Variants in PIP5K1B observed in about 807,000 individuals in gnomAD.
PIP5K1B encodes phosphatidylinositol-4-phosphate 5-kinase type 1 beta.
In PIP5K1B, 42 loss-of-function variants were observed where a neutral mutation model predicts 67.0. The observed-to-expected ratio is 0.63, with a 90% CI of 0.49 to 0.81. The LOEUF (loss-of-function observed/expected upper bound fraction) is 0.81. Among genes scored for constraint, PIP5K1B ranks in the 30% least tolerant of loss-of-function variants. PIP5K1B has a pLI of 0.00. For missense variants in PIP5K1B, 459 were observed against 646.3 expected, an observed-to-expected ratio of 0.71 and a Z score of 3.14; for synonymous variants, 214 against 231.4, an observed-to-expected ratio of 0.92 and a Z score of 0.68.
chr9:68,840,878 A>C (rs1328006848), intron 4 of PIP5K1B, among the ~76,000 whole-genome samples: 1 of 152,154 alleles, frequency 6.6e-6, no homozygotes, highest in African/African-American at 2.4e-5. Flanking sequence ...AGAGGTTAGG[A>C]TGTGGACATC....
At chr9:68,857,048 G>A (rs2132232752) in intron 4 of PIP5K1B, among the ~76,000 whole-genome samples, 1 of 152,314 alleles carries the variant, frequency 6.6e-6, no homozygotes, top group African/African-American at 2.4e-5. Flanking sequence ...GCAGAGGTCA[G>A]AGGGAGACAG....
chr9:68,899,028 C>A (rs1825231247), intron 8 of PIP5K1B, among the ~76,000 whole-genome samples: 1 of 152,222 alleles, frequency 6.6e-6, no homozygotes, highest in African/African-American at 2.4e-5. Context: ...TGATCTGGTC[C>A]CTGCTACATT....
intron 14 of PIP5K1B, among the ~76,000 whole-genome samples, chr9:68,977,749 G>A (rs572277421): frequency 4.7e-4 from 71 of 150,680 alleles, no homozygotes; most frequent in African/African-American, 1.7e-3. Flanking sequence ...CTGCCTCCCA[G>A]GTTGAAGCGA....
At chr9:68,722,653 CATGT>C (rs1210908910) in intron 1 of PIP5K1B, among the ~76,000 whole-genome samples, 16 of 148,824 alleles carry the variant, frequency 1.1e-4, no homozygotes, top group Non-Finnish European at 1.8e-4. Flanking sequence ...TATTTATTAC[CATGT>C]ATGTATTTAT....
intron 4 of PIP5K1B, among the ~76,000 whole-genome samples, chr9:68,862,219 T>A (rs1271803438): frequency 6.6e-6 from 1 of 152,184 alleles, no homozygotes; most frequent in East Asian, 1.9e-4. Flanking sequence ...TGACACTGCC[T>A]TGGGAAATGA....
intron 1 of PIP5K1B, among the ~76,000 whole-genome samples, chr9:68,719,889 CT>C (rs1168015526): frequency 6.6e-6 from 1 of 152,208 alleles, no homozygotes; most frequent in African/African-American, 2.4e-5. Flanking sequence ...TGTCAAAAGA[CT>C]TCTGGAAGCA....
intron 14 of PIP5K1B, among the ~76,000 whole-genome samples, chr9:68,943,714 A>G (rs531475557): frequency 7.9e-5 from 12 of 152,318 alleles, no homozygotes; most frequent in African/African-American, 2.6e-4. Context: ...TATAATTTAC[A>G]TGTGAGATTT....
chr9:68,809,386 T>C (rs950839575), intron 2 of PIP5K1B, among the ~76,000 whole-genome samples: 3 of 152,160 alleles, frequency 2.0e-5, no homozygotes, highest in African/African-American at 7.2e-5. Flanking sequence ...CTTCCTATCT[T>C]CCCAGCAAAA....
rs544345556 is a variant in PIP5K1B at position 68,893,483 on chromosome 9, G to A, written c.472-856G>A. On this transcript the variant is annotated intron_variant, in intron 7 of 15. Coordinates refer to ENST00000265382, the MANE Select transcript of PIP5K1B (RefSeq NM_003558.4). ...CGAGTAGCTGGGATTACAGGCATGC[G>A]CCACCAGGCCAGGCTAATTTTTTAA... Among the ~76,000 whole-genome samples the A allele has an allele frequency of 4.8e-4, 73 of 151,902 alleles. 2 individuals carry two copies. In the South Asian group the frequency reaches 7.9e-3, roughly 16 times the overall value.
intron 4 of PIP5K1B, chr9:68,824,144 ACATT>A (rs764204130): frequency 3.9e-6 from 2 of 518,904 alleles, no homozygotes; most frequent in Admixed American, 3.9e-5. Context: ...GATTCCGTGT[ACATT>A]CATTCAAGCA....
At chr9:68,792,090 G>A (rs893126607) in intron 2 of PIP5K1B, among the ~76,000 whole-genome samples, 1 of 152,232 alleles carries the variant, frequency 6.6e-6, no homozygotes, top group Non-Finnish European at 1.5e-5. Context: ...ACCACGGTCA[G>A]TTAGGTGCTT....
Position 68,952,673 on chromosome 9 carries a change from AT to A in PIP5K1B, c.1502+11893del, listed in dbSNP as rs568781462. On this transcript the variant is annotated intron_variant, in intron 14 of 15. Transcript: ENST00000265382. ...GAATTCTAGATTGCAAATATTTTGG[AT>A]TTTTTTTTTCAACATGGTGAAGGCT... 1.1e-4 allele frequency among the ~76,000 whole-genome samples: 17 copies of A among 150,262 alleles called. No homozygotes were observed. The East Asian group carries it at 1.2e-3, about 10-fold the overall frequency.
chr9:68,772,866 G>A (rs962810385), intron 2 of PIP5K1B, among the ~76,000 whole-genome samples: 6 of 152,122 alleles, frequency 3.9e-5, no homozygotes, highest in Non-Finnish European at 2.9e-5. Context: ...ATCATTTTGC[G>A]ATCACAGCAC....
chr9:68,708,030 T>G (rs1376191376), intron 1 of PIP5K1B: 1 of 152,212 alleles, frequency 6.6e-6, no homozygotes, highest in African/African-American at 2.4e-5. Context: ...CTAAGAGACC[T>G]AGCTAATTAC....
At chr9:68,964,553 C>T (rs1828922080) in intron 14 of PIP5K1B, among the ~76,000 whole-genome samples, 1 of 152,214 alleles carries the variant, frequency 6.6e-6, no homozygotes, top group Admixed American at 6.5e-5. Context: ...GCCCAGGAAG[C>T]TGATGAGCCT....
intron 14 of PIP5K1B, among the ~76,000 whole-genome samples, chr9:68,970,079 T>A (rs1829274837): frequency 6.6e-6 from 1 of 152,206 alleles, no homozygotes; most frequent in Non-Finnish European, 1.5e-5. Flanking sequence ...CATTACTTAC[T>A]TAACATCACA....
rs531450383 is a variant in PIP5K1B at position 68,783,325 on chromosome 9, T to C, written c.-85-35136T>C. 11 of 167,004 alleles carry C rather than the reference T, an allele frequency of 6.6e-5. No homozygotes were observed. The East Asian group carries it at 2.1e-3, about 32-fold the overall frequency. 10.3% of individuals were successfully genotyped at this position (167,004 alleles called of 1,614,324 possible). On this transcript the variant is annotated intron_variant, in intron 2 of 15. Coordinates refer to ENST00000265382, the MANE Select transcript of PIP5K1B (RefSeq NM_003558.4). ...TAGACCACTTGATATTCTTTAAATA[T>C]GTCATGTACTTTTCTTGTGTCTGTT... is the stretch of plus-strand genomic sequence containing the variant.
chr9:68,739,656 T>C (rs1431689449), intron 1 of PIP5K1B, among the ~76,000 whole-genome samples: 3 of 152,218 alleles, frequency 2.0e-5, no homozygotes, highest in Non-Finnish European at 2.9e-5. Context: ...GCCTGCTGTT[T>C]CCTGTGCTTC....
At chr9:69,007,510 GA>G (rs1384291332) in intron 15 of PIP5K1B, among the ~76,000 whole-genome samples, 1 of 152,146 alleles carries the variant, frequency 6.6e-6, no homozygotes, top group African/African-American at 2.4e-5. Flanking sequence ...CCACTTTATA[GA>G]TGAAACAACA....
Sources: gnomAD v4.1 joint callset for allele counts (sites outside exome capture counted in the v4.1 genomes callset) on GRCh38, gnomAD v4.1.1 for gene constraint, MANE v1.5 for transcripts, NCBI Gene and HGNC (gene_info 2026-07-23, HGNC 2026-07-21) for gene names.